The following IL9R variants were observed in gnomAD, a reference collection of about 807,000 sequenced individuals.
The protein encoded by IL9R is interleukin 9 receptor.
Under a neutral mutation model 56.3 loss-of-function variants are expected in IL9R, and 54 were observed. That is an observed-to-expected ratio of 0.96 (90% CI 0.77 to 1.20). IL9R has a LOEUF of 1.20. IL9R is among the 50% of genes most tolerant of loss of function. IL9R has a pLI of 0.00. For synonymous variants in IL9R, 212 were observed against 250.2 expected, an observed-to-expected ratio of 0.85 and a Z score of 1.44; for missense variants, 545 against 629.8, an observed-to-expected ratio of 0.87 and a Z score of 1.44.
At chrX:156,002,434 G>A (rs1410219985) in intron 1 of IL9R, among the ~76,000 whole-genome samples, 2 of 152,152 alleles carry the variant, frequency 1.3e-5, no homozygotes, top group South Asian at 2.1e-4. Context: ...GCCTGTGAAC[G>A]GGGACAGTGC....
chrX:155,999,498 C>T (rs2067367060), intron 1 of IL9R, among the ~76,000 whole-genome samples: 1 of 152,114 alleles, frequency 6.6e-6, no homozygotes, highest in Non-Finnish European at 1.5e-5. Context: ...TTTCAGACCC[C>T]ATCCCTCCTG....
chrX:156,002,904 A>G lies in IL9R; in HGVS notation c.29-2A>G, dbSNP rs775220961. ...CAGGGCCCTCAGCCCAGTCCCTTGC[A>G]GGCTGGACCTTGGAGAGTGAGGCCC... On this transcript the variant is annotated splice_acceptor_variant, in intron 1 of 8. Transcript: ENST00000244174. LOFTEE classifies it high-confidence loss of function. 6.2e-7 allele frequency: 1 copy of G among 1,613,826 alleles called. No individual in the cohort carries two copies. Among genetic ancestry groups the G allele is most frequent in the Non-Finnish European group, 8.5e-7 (1 of 1,179,846 alleles).
intron 8 of IL9R, among the ~76,000 whole-genome samples, chrX:156,009,429 TTGTGTG>T (rs754546109): frequency 7.5e-6 from 1 of 134,014 alleles, no homozygotes; most frequent in Admixed American, 7.2e-5. Context: ...TTGTGTATGT[TTGTGTG>T]TGTGTGTGTG....
At chrX:156,005,522 C>T in intron 6 of IL9R, 43 bp downstream of exon 6, 1 of 1,544,710 alleles carries the variant, frequency 6.5e-7, no homozygotes. Flanking sequence ...GGAGTCTGGG[C>T]TGGGCGTCTT....
chrX:156,001,538 G>A, intron 1 of IL9R: 3 of 1,451,612 alleles, frequency 2.1e-6, no homozygotes, highest in Non-Finnish European at 2.9e-6. Context: ...AGTCTTAACA[G>A]GGGACTGTCC....
At position 156,004,495 on chromosome X, in the gene IL9R, C is replaced by T; in HGVS notation, c.509C>T (p.Pro170Leu). 1 of 1,613,752 alleles carries T rather than the reference C, an allele frequency of 6.2e-7. No individual in the cohort carries two copies. Among genetic ancestry groups the T allele is most frequent in the Non-Finnish European group, 8.5e-7 (1 of 1,179,830 alleles). Residue 170 changes from proline (P) to leucine (L), a missense_variant, in exon 5 of 9, where the codon CCT (proline) becomes CTT (leucine). Pro to Leu is a moderately conservative substitution (Grantham distance 98, BLOSUM62 -3). Transcript: ENST00000244174. ...TGCATCCTGACCTGGAGCATCAGTC[C>T]TGCCTTGGAGCCAATGACCACACTT... is the stretch of plus-strand genomic sequence containing the variant. ...GHCILTWSISPALEPMTTLLS... is the reference protein window; with the variant it reads ...GHCILTWSISLALEPMTTLLS...
intron 2 of IL9R, 84 bp downstream of exon 2, chrX:156,003,103 T>C (rs2067654383): frequency 6.4e-7 from 1 of 1,570,598 alleles, no homozygotes; most frequent in Non-Finnish European, 8.7e-7. Flanking sequence ...ATGTCAAGCC[T>C]CTAGGGAAAG....
chrX:156,005,338 C>T lies in IL9R; in HGVS notation c.640C>T (p.Leu214=). The T allele has an allele frequency of 6.2e-7, 1 of 1,612,466 alleles. No individual in the cohort carries two copies. The highest frequency in any genetic ancestry group is 1.1e-5 in the South Asian group (1 of 90,990). Reference sequence around the variant, plus strand: ...CTGGCTTATACTTGAAGCCTTTGAGCTGGACCCTGGCTTTATCCATGAGGC... The same window carrying T: ...CTGGCTTATACTTGAAGCCTTTGAGTTGGACCCTGGCTTTATCCATGAGGC... The part of the protein sequence containing the change: ...VTWLILEAFE[L]DPGFIHEARL... Residue 214 remains leucine, a synonymous_variant, in exon 6 of 9, where the codon CTG becomes TTG. Coordinates refer to ENST00000244174, the MANE Select transcript of IL9R (RefSeq NM_002186.3).
chrX:156,006,457 A>G (rs1338104271), intron 7 of IL9R, among the ~76,000 whole-genome samples: 1 of 149,678 alleles, frequency 6.7e-6, no homozygotes, highest in Non-Finnish European at 1.5e-5. Flanking sequence ...GAGGCTGAAG[A>G]TAAGGGCAGC....
Position 156,005,421 on chromosome X carries a change from T to C in IL9R, c.723T>C (p.Tyr241=), listed in dbSNP as rs150940604. The C allele has an allele frequency of 2.7e-5, 44 of 1,613,052 alleles. No homozygotes were observed. Among genetic ancestry groups the C allele is most frequent in the African/African-American group, 8.0e-5 (6 of 74,888 alleles). ...LEDDVVEEER[Y]TGQWSEWSQP... The stretch of plus-strand genomic sequence containing the variant: ...ATGATGTGGTAGAGGAGGAGCGTTA[T>C]ACAGGCCAGTGGAGTGAGTGGAGCC... Residue 241 remains tyrosine (Y), a synonymous_variant, in exon 6 of 9, where the codon TAT becomes TAC. Coordinates refer to ENST00000244174, the MANE Select transcript of IL9R (RefSeq NM_002186.3).
At chrX:156,009,258 G>GTGTGTATGTC (rs2068290353) in intron 8 of IL9R, among the ~76,000 whole-genome samples, 1 of 120,014 alleles carries the variant, frequency 8.3e-6, no homozygotes. Flanking sequence ...GTGTCTGTGT[G>GTGTGTATGTC]TGTGTGTTTG....
chrX:155,998,579 T>A (rs372596704), intron 1 of IL9R, among the ~76,000 whole-genome samples: 2 of 150,858 alleles, frequency 1.3e-5, no homozygotes, highest in Non-Finnish European at 1.5e-5. Flanking sequence ...TTATTATTAA[T>A]TTTTTTTTGA....
At chrX:156,002,854 C>A (rs2067626889) in intron 1 of IL9R, 52 bp from the exon 2 acceptor site, 9 of 1,611,514 alleles carry the variant, frequency 5.6e-6, no homozygotes, top group African/African-American at 1.3e-5. Flanking sequence ...ATGGGGAGCA[C>A]CCCTCCAGAG....
In IL9R at chrX:156,004,457, C is replaced by A. The variant is rs1297431211; in HGVS notation, c.471C>A (p.Ile157=). The A allele has an allele frequency of 1.2e-6, 2 of 1,613,778 alleles. No individual in the cohort carries two copies. Among genetic ancestry groups the A allele is most frequent in the Non-Finnish European group, 1.7e-6 (2 of 1,179,846 alleles). ...CGCCCTCTGACTTGCAGAGCAACAT[C>A]AGTTCTGGCCACTGCATCCTGACCT... is the stretch of plus-strand genomic sequence containing the variant. The part of the protein sequence containing the change: ...LDPPSDLQSN[I]SSGHCILTWS... The change falls in exon 5 of 9, where the codon ATC becomes ATA. Residue 157 remains isoleucine (I), a synonymous_variant. Transcript: ENST00000244174.
chrX:156,001,473 G>T, intron 1 of IL9R: 8 of 1,609,444 alleles, frequency 5.0e-6, no homozygotes, highest in Non-Finnish European at 6.8e-6. Flanking sequence ...TGCTGTGGCT[G>T]GTGGTTCCAG....
Position 156,009,856 on chromosome X carries a change from A to T in IL9R, c.1013A>T (p.Gln338Leu). 1 of 1,516,060 alleles carries T rather than the reference A, an allele frequency of 6.6e-7. No individual in the cohort carries two copies. Among genetic ancestry groups the T allele is most frequent in the Non-Finnish European group, 8.8e-7 (1 of 1,134,352 alleles). The allele number at this position is 1,516,060 out of a possible 1,614,324, so 93.9% of individuals were successfully genotyped here. A position where few individuals can be genotyped will look rare whatever the true frequency, so the allele number is the denominator to read the frequency against. ...CACGGGGCCGGTGTGCTGTTGAGCC[A>T]GGACTGTGCTGGCACCCCACAGGGA... Reference protein sequence around the residue: ...GAHGAGVLLSQDCAGTPQGAL... With the variant: ...GAHGAGVLLSLDCAGTPQGAL... Residue 338 changes from glutamine (Q) to leucine (L), a missense_variant, in exon 9 of 9, where the codon CAG (glutamine) becomes CTG (leucine). By Grantham distance (113) the Gln-to-Leu change is moderately radical. Transcript: ENST00000244174.
chrX:156,005,245 T>C, intron 5 of IL9R, 33 bp from the exon 6 acceptor site: 1 of 1,600,096 alleles, frequency 6.2e-7, no homozygotes, highest in Non-Finnish European at 8.6e-7. Flanking sequence ...CAGCCCCACC[T>C]TCACCACCTG....
At position 155,999,350 on chromosome X, in the gene IL9R, C is replaced by T. The variant is rs766647998; in HGVS notation, c.28+1563C>T. Among the ~76,000 whole-genome samples, 3 of 152,254 alleles carry T rather than the reference C, an allele frequency of 2.0e-5. No individual in the cohort carries two copies. In the South Asian group the frequency reaches 6.2e-4, roughly 32 times the overall value. On this transcript the variant is annotated intron_variant, in intron 1 of 8. Transcript: ENST00000244174. ...AGCGTTCCCACAGGCATTTACCTCA[C>T]GGATGCAGCACTGCCCCTCATCCTC...
intron 7 of IL9R, among the ~76,000 whole-genome samples, chrX:156,006,546 G>T (rs2067973899): frequency 6.6e-6 from 1 of 151,162 alleles, no homozygotes; most frequent in South Asian, 2.1e-4. Flanking sequence ...AGCTTGGTTT[G>T]TTCATTTGTT....
Sources: gnomAD v4.1 joint callset for allele counts (sites outside exome capture counted in the v4.1 genomes callset) on GRCh38, gnomAD v4.1.1 for gene constraint, MANE v1.5 for transcripts, NCBI Gene and HGNC (gene_info 2026-07-23, HGNC 2026-07-21) for gene names.